Variants in PPP1R12B observed in about 807,000 individuals in gnomAD.
PPP1R12B encodes myosin phosphatase target subunit 2.
In PPP1R12B, 76 loss-of-function variants were observed where a neutral mutation model predicts 126.1. The observed-to-expected ratio is 0.60, with a 90% CI of 0.50 to 0.73. The LOEUF (loss-of-function observed/expected upper bound fraction) is 0.73. PPP1R12B is among the 30% of genes least tolerant of loss of function. PPP1R12B has a pLI of 0.00. For missense variants in PPP1R12B, 1,052 were observed against 1,205.1 expected (o/e 0.87, Z 1.88); for synonymous variants, 356 against 434.7 (o/e 0.82, Z 2.25).
At chr1:202,424,394 G>A (rs1312543781) in intron 3 of PPP1R12B, among the ~76,000 whole-genome samples, 1 of 151,216 alleles carries the variant, frequency 6.6e-6, no homozygotes, top group Non-Finnish European at 1.5e-5. Context: ...CGCAATCCCA[G>A]CTCATTGCAA....
chr1:202,485,547 G>T (rs184495468), intron 13 of PPP1R12B, among the ~76,000 whole-genome samples: 26 of 152,202 alleles, frequency 1.7e-4, no homozygotes, highest in African/African-American at 6.3e-4. Context: ...TGGCATTTGT[G>T]GTAGCAATGG....
intron 1 of PPP1R12B, among the ~76,000 whole-genome samples, chr1:202,360,448 C>T (rs1363865467): frequency 1.3e-5 from 2 of 152,114 alleles, no homozygotes; most frequent in Non-Finnish European, 2.9e-5. Flanking sequence ...GTGGCTTACA[C>T]CTGTAATCAC....
At chr1:202,562,556 TC>T in intron 19 of PPP1R12B, 2 of 701,632 alleles carry the variant, frequency 2.9e-6, no homozygotes, top group South Asian at 2.8e-5. Flanking sequence ...TAAGCTTCAT[TC>T]TTGGCAAATG....
chr1:202,367,877 G>A (rs986817225), intron 1 of PPP1R12B, among the ~76,000 whole-genome samples: 1 of 152,092 alleles, frequency 6.6e-6, no homozygotes, highest in African/African-American at 2.4e-5. Context: ...GGTGGGACCT[G>A]GTGGGAAGTG....
At chr1:202,384,925 A>G (rs1300313083) in intron 1 of PPP1R12B, among the ~76,000 whole-genome samples, 3 of 152,230 alleles carry the variant, frequency 2.0e-5, no homozygotes, top group African/African-American at 4.8e-5. Context: ...AAAGCTCTAC[A>G]TTTCCACTTA....
In PPP1R12B at chr1:202,582,505, G is replaced by A. The variant is rs1285376894; in HGVS notation, c.*1945G>A. 2 of 152,564 alleles carry A rather than the reference G, an allele frequency of 1.3e-5. No homozygotes were observed. Among genetic ancestry groups the A allele is most frequent in the South Asian group, 2.1e-4 (1 of 4,836 alleles). 9.5% of individuals were successfully genotyped at this position (152,564 alleles called of 1,614,324 possible). ...CCCTTAATATATACTACCTCTGTCT[G>A]TTAATTCTTTCCTAACATGACATGT... On this transcript the variant is annotated 3_prime_UTR_variant, in exon 24 of 24. Coordinates refer to ENST00000608999, the MANE Select transcript of PPP1R12B (RefSeq NM_002481.4).
intron 12 of PPP1R12B, among the ~76,000 whole-genome samples, chr1:202,445,459 G>C (rs1443408657): frequency 6.6e-6 from 1 of 152,166 alleles, no homozygotes; most frequent in African/African-American, 2.4e-5. Context: ...TTGGACATCA[G>C]CTTAATGTGA....
At chr1:202,428,640 T>C (rs1279093858) in intron 5 of PPP1R12B, 1 of 511,356 alleles carries the variant, frequency 2.0e-6, no homozygotes, top group African/African-American at 2.0e-5. Flanking sequence ...GCAGTACTGT[T>C]GTACAAACTC....
intron 3 of PPP1R12B, among the ~76,000 whole-genome samples, chr1:202,423,763 A>C (rs1669124552): frequency 6.6e-6 from 1 of 152,054 alleles, no homozygotes; most frequent in South Asian, 2.1e-4. Flanking sequence ...AGCTCATTGC[A>C]ACCTCTGCCT....
intron 13 of PPP1R12B, among the ~76,000 whole-genome samples, chr1:202,477,412 A>G (rs1313806241): frequency 6.6e-6 from 1 of 152,224 alleles, no homozygotes; most frequent in Admixed American, 6.5e-5. Flanking sequence ...GCCATGGTAC[A>G]AACCCAGGCA....
intron 1 of PPP1R12B, among the ~76,000 whole-genome samples, chr1:202,410,609 C>A (rs1667260321): frequency 6.6e-6 from 1 of 152,224 alleles, no homozygotes; most frequent in Admixed American, 6.5e-5. Context: ...ATATCAGCCA[C>A]TTTTGCCTTT....
rs544538064 is a variant in PPP1R12B, at chr1:202,525,526, T to C, written c.2490+28704T>C. 1.4e-4 allele frequency among the ~76,000 whole-genome samples: 21 copies of C among 151,608 alleles called. No homozygotes were observed. The East Asian group carries it at 3.7e-3, about 27-fold the overall frequency. On this transcript the variant is annotated intron_variant, in intron 18 of 23. Coordinates refer to ENST00000608999, the MANE Select transcript of PPP1R12B (RefSeq NM_002481.4). Reference sequence around the variant, plus strand: ...GATAAGAGTGGTTTTGTTCGAATAGTGGGACAGAAAGCCTGACTGAAGTAA... The same window carrying C: ...GATAAGAGTGGTTTTGTTCGAATAGCGGGACAGAAAGCCTGACTGAAGTAA...
At chr1:202,373,692 C>T (rs1660685359) in intron 1 of PPP1R12B, among the ~76,000 whole-genome samples, 1 of 151,282 alleles carries the variant, frequency 6.6e-6, no homozygotes, top group Non-Finnish European at 1.5e-5. Context: ...GAGAATGTCA[C>T]TAGTGTTTCT....
intron 1 of PPP1R12B, among the ~76,000 whole-genome samples, chr1:202,385,926 A>G (rs1401031258): frequency 6.7e-6 from 1 of 149,608 alleles, no homozygotes; most frequent in Non-Finnish European, 1.5e-5. Context: ...CTCAAGAGCT[A>G]TTTTTCTTTT....
At chr1:202,354,608 G>GT (rs1388796019) in intron 1 of PPP1R12B, among the ~76,000 whole-genome samples, 1 of 149,910 alleles carries the variant, frequency 6.7e-6, no homozygotes, top group Non-Finnish European at 1.5e-5. Flanking sequence ...CTAGAGTAAA[G>GT]TTTTTGATAT....
chr1:202,574,771 T>C (rs980911614), intron 23 of PPP1R12B: 4 of 455,470 alleles, frequency 8.8e-6, no homozygotes, highest in Admixed American at 3.4e-5. Flanking sequence ...TATTTAGATC[T>C]TAGCCAAGAA....
At chr1:202,580,163 G>T (rs1465806288) in intron 23 of PPP1R12B, among the ~76,000 whole-genome samples, 1 of 152,164 alleles carries the variant, frequency 6.6e-6, no homozygotes, top group East Asian at 1.9e-4. Flanking sequence ...ATTGAAAGTG[G>T]TTACTGATTC....
chr1:202,525,612 C>CT (rs71142537), intron 18 of PPP1R12B, among the ~76,000 whole-genome samples: 184 of 120,288 alleles, frequency 1.5e-3, no homozygotes, highest in African/African-American at 3.5e-3. Flanking sequence ...TTTTTTTTTT[C>CT]TTTTTTTTTT....
At position 202,416,846 on chromosome 1, in the gene PPP1R12B, A is replaced by G; in HGVS notation, c.351A>G (p.Val117=). 3.7e-6 allele frequency: 6 copies of G among 1,614,120 alleles called. No homozygotes were observed. Among genetic ancestry groups the G allele is most frequent in the Non-Finnish European group, 5.1e-6 (6 of 1,179,970 alleles). ...TTCTGGTGGAGAACAGAGCCAATGTAAACCAGCAAGACAACGAGGGCTGGA... is the reference window on the plus strand; with the variant it reads ...TTCTGGTGGAGAACAGAGCCAATGTGAACCAGCAAGACAACGAGGGCTGGA... ...VKFLVENRAN[V]NQQDNEGWTP... is the part of the protein sequence containing the mutation. The change falls in exon 2 of 24, where the codon GTA becomes GTG. Residue 117 remains valine, a synonymous_variant. Coordinates refer to ENST00000608999, the MANE Select transcript of PPP1R12B (RefSeq NM_002481.4).
Sources: gnomAD v4.1 joint callset for allele counts (sites outside exome capture counted in the v4.1 genomes callset) on GRCh38, gnomAD v4.1.1 for gene constraint, MANE v1.5 for transcripts, NCBI Gene and HGNC (gene_info 2026-07-23, HGNC 2026-07-21) for gene names.